Variants in EFHD1 observed in about 807,000 individuals in gnomAD.
EFHD1 encodes the protein EF-hand domain family member D1.
In EFHD1, 10 loss-of-function variants were observed where a neutral mutation model predicts 17.2. The ratio of observed to expected loss-of-function variants is 0.58; its 90% CI spans 0.36 to 0.99. EFHD1 has a LOEUF of 0.99. Ranked by LOEUF, EFHD1 falls within the 50% of genes least tolerant of loss-of-function variation. The pLI, the probability that EFHD1 is intolerant of heterozygous loss-of-function variation, is 0.01. For synonymous variants in EFHD1, 153 were observed against 142.0 expected, an observed-to-expected ratio of 1.08 and a Z score of -0.55; for missense variants, 310 against 327.5, an observed-to-expected ratio of 0.95 and a Z score of 0.41.
chr2:232,666,448 C>G (rs1413229530), intron 2 of EFHD1, among the ~76,000 whole-genome samples: 1 of 152,192 alleles, frequency 6.6e-6, no homozygotes, highest in African/African-American at 2.4e-5. Context: ...GGGGAGAGAG[C>G]TGTGGTGAGC....
chr2:232,639,118 C>G (rs1478295053), intron 1 of EFHD1, among the ~76,000 whole-genome samples: 1 of 151,870 alleles, frequency 6.6e-6, no homozygotes, highest in Non-Finnish European at 1.5e-5. Context: ...GGAGTTCCCT[C>G]TTCCTCCTCA....
chr2:232,606,078 C>T, exon 1 of EFHD1: 2 of 1,484,862 alleles, frequency 1.3e-6, no homozygotes, highest in South Asian at 1.2e-5. Context: ...GCGGATACCC[C>T]GGCCTTGGCG....
At chr2:232,646,208 A>G (rs1326630482) in intron 1 of EFHD1, among the ~76,000 whole-genome samples, 2 of 151,948 alleles carry the variant, frequency 1.3e-5, no homozygotes, top group Non-Finnish European at 1.5e-5. Context: ...GTAGCTCCCT[A>G]TTGCCCAAGG....
intron 1 of EFHD1, among the ~76,000 whole-genome samples, chr2:232,649,168 C>T (rs1305493339): frequency 6.6e-6 from 1 of 152,218 alleles, no homozygotes; most frequent in Non-Finnish European, 1.5e-5. Flanking sequence ...GGGAGGACGC[C>T]GGAGACCAGC....
intron 1 of EFHD1, among the ~76,000 whole-genome samples, chr2:232,652,993 G>C (rs1051197006): frequency 1.3e-5 from 2 of 151,856 alleles, no homozygotes; most frequent in Non-Finnish European, 2.9e-5. Flanking sequence ...TTGGTGGGGT[G>C]GTTGGTTTTT....
intron 1 of EFHD1, among the ~76,000 whole-genome samples, chr2:232,623,697 AGAAG>A (rs1559339134): frequency 0.23 from 20,603 of 88,102 alleles, 2,709 homozygotes; most frequent in Non-Finnish European, 0.35. Context: ...AAAAAAAAGA[AGAAG>A]AAGAAGAAGA....
chr2:232,606,298 T>C, intron 1 of EFHD1: 1 of 1,161,402 alleles, frequency 8.6e-7, no homozygotes, highest in Non-Finnish European at 1.3e-6. Context: ...CGGAGGGCAC[T>C]CCCGGCCCTC....
intron 1 of EFHD1, among the ~76,000 whole-genome samples, chr2:232,651,161 C>G (rs1040789746): frequency 2.0e-5 from 3 of 152,158 alleles, no homozygotes; most frequent in Non-Finnish European, 2.9e-5. Context: ...GCCAGGGCCT[C>G]CCTCCTGGAT....
At chr2:232,637,894 G>A (rs144063250) in intron 1 of EFHD1, among the ~76,000 whole-genome samples, 1 of 152,294 alleles carries the variant, frequency 6.6e-6, no homozygotes, top group African/African-American at 2.4e-5. Flanking sequence ...ATCCTTCCCA[G>A]CCTCTGAGTT....
At chr2:232,638,778 G>A (rs1694368383) in intron 1 of EFHD1, among the ~76,000 whole-genome samples, 1 of 152,230 alleles carries the variant, frequency 6.6e-6, no homozygotes, top group Admixed American at 6.5e-5. Context: ...AGAAAGGCAA[G>A]AGGTACTGAC....
chr2:232,675,055 A>C (rs2106218745), intron 3 of EFHD1, among the ~76,000 whole-genome samples: 1 of 152,166 alleles, frequency 6.6e-6, no homozygotes, highest in South Asian at 2.1e-4. Context: ...GCACACCTGT[A>C]ATCCCAGCTA....
At chr2:232,627,706 C>G (rs35613670) in intron 1 of EFHD1, among the ~76,000 whole-genome samples, 6,708 of 152,136 alleles carry the variant, frequency 0.044, 199 homozygotes, top group Non-Finnish European at 0.063. Flanking sequence ...CAAATGTCTT[C>G]TATATTTGCA....
At chr2:232,677,345 T>C (rs1442190756) in intron 3 of EFHD1, among the ~76,000 whole-genome samples, 1 of 152,050 alleles carries the variant, frequency 6.6e-6, no homozygotes, top group Non-Finnish European at 1.5e-5. Context: ...GTTAATATTA[T>C]CAGAGTTACC....
intron 1 of EFHD1, among the ~76,000 whole-genome samples, chr2:232,616,431 TG>T (rs1693930261): frequency 6.6e-6 from 1 of 152,114 alleles, no homozygotes; most frequent in Non-Finnish European, 1.5e-5. Context: ...CCTGAGTAGC[TG>T]GGATTACAGG....
At chr2:232,634,087 G>T in intron 1 of EFHD1, 81 bp downstream of exon 1, 1 of 1,552,086 alleles carries the variant, frequency 6.4e-7, no homozygotes, top group Non-Finnish European at 8.6e-7. Flanking sequence ...CCCGGGCCCT[G>T]TTTGTGTGGG....
chr2:232,676,947 C>T (rs1486667594), intron 3 of EFHD1, among the ~76,000 whole-genome samples: 1 of 152,004 alleles, frequency 6.6e-6, no homozygotes, highest in Non-Finnish European at 1.5e-5. Context: ...TTGCAGTGAG[C>T]TATGATCATA....
chr2:232,633,542 A>G, upstream of EFHD1: 1 of 1,282,300 alleles, frequency 7.8e-7, no homozygotes, highest in Non-Finnish European at 9.8e-7. Flanking sequence ...CTCCGCCCCG[A>G]CCGCCCCGCC....
At chr2:232,619,188 T>C (rs112192866) in intron 1 of EFHD1, among the ~76,000 whole-genome samples, 3,677 of 97,832 alleles carry the variant, frequency 0.038, 81 homozygotes, top group Admixed American at 0.099. Flanking sequence ...AATAAATAAA[T>C]AAACAAACAA....
chr2:232,672,873 C>T lies in EFHD1; in HGVS notation c.585+430C>T, dbSNP rs73107661. Among the ~76,000 whole-genome samples, 1,459 of 152,246 alleles carry T rather than the reference C, an allele frequency of 9.6e-3. 19 individuals are homozygous for T. The highest frequency in any genetic ancestry group is 0.034 in the African/African-American group (1,394 of 41,536). On this transcript the variant is annotated intron_variant, in intron 3 of 3. Transcript: ENST00000264059. ...GGTGACATATCCTGGCCTGCCCAGTCCCCTAAGCAGGACTCTAAATTCTTA... is the reference window on the plus strand; with the variant it reads ...GGTGACATATCCTGGCCTGCCCAGTTCCCTAAGCAGGACTCTAAATTCTTA...
Sources: allele counts gnomAD v4.1 joint callset (sites outside exome capture counted in the v4.1 genomes callset), GRCh38; gene constraint gnomAD v4.1.1; transcripts MANE v1.5; gene names NCBI Gene and HGNC (gene_info 2026-07-23, HGNC 2026-07-21).